ANO6: variants seen among roughly 807,000 people sequenced by gnomAD.
ANO6 encodes the protein anoctamin-6.
Under a neutral mutation model 117.5 loss-of-function variants are expected in ANO6, and 106 were observed. The observed-to-expected ratio is 0.90, with a 90% CI of 0.77 to 1.06. ANO6 has a LOEUF of 1.06. ANO6 is among the 50% of genes least tolerant of loss of function. The probability of loss-of-function intolerance (pLI) is 0.00; values close to 1 mark genes in which losing one functional copy is unlikely to be tolerated. For missense variants in ANO6, 955 were observed against 1,121.1 expected (o/e 0.85, Z 2.12); for synonymous variants, 367 against 385.1 (o/e 0.95, Z 0.55).
rs1210466789 is a variant in ANO6, at chr12:45,388,437, C to G, written c.1308+134C>G. 6 of 1,133,376 alleles carry G rather than the reference C, an allele frequency of 5.3e-6. No homozygotes were observed. In the South Asian group the frequency reaches 7.7e-5, roughly 15 times the overall value. The allele number at this position is 1,133,376 out of a possible 1,614,324, so 70.2% of individuals were successfully genotyped here. On this transcript the variant is annotated intron_variant, in intron 11 of 19. Coordinates refer to ENST00000320560, the MANE Select transcript of ANO6 (RefSeq NM_001025356.3). ...AGTTCCATCACTACATACTCTGGTA[C>G]TTAGTAACCTGGGGGTATTCTGAGC... is the stretch of plus-strand genomic sequence containing the variant.
intron 17 of ANO6, among the ~76,000 whole-genome samples, chr12:45,420,537 C>G (rs1008291096): frequency 3.9e-5 from 6 of 151,938 alleles, no homozygotes; most frequent in African/African-American, 1.4e-4. Context: ...CCAAGGAGTT[C>G]GAGGTTACAG....
rs534253295 is a variant in ANO6 at position 45,367,191 on chromosome 12, A to G, written c.999-497A>G. Among the ~76,000 whole-genome samples, 199 of 152,318 alleles carry G rather than the reference A, an allele frequency of 1.3e-3. 3 individuals are homozygous for G. The highest frequency in any genetic ancestry group is 6.9e-4 in the Non-Finnish European group (47 of 68,034). ...GAGACAGGGTTTTGCCATGTTGGCC[A>G]GGCTGGTCTTGAACTCATGACCTCA... On this transcript the variant is annotated intron_variant, in intron 8 of 19. Transcript: ENST00000320560.
rs1376316432 is a variant in ANO6 at position 45,431,026 on chromosome 12, T to C, written c.*1715T>C. ...GCGTAACTCTAGGTCATGATTGATT[T>C]CAAATGCCTGCCATGAATGATTTGT... On this transcript the variant is annotated 3_prime_UTR_variant, in exon 20 of 20. Transcript: ENST00000320560. 1.0e-6 allele frequency: 1 copy of C among 985,312 alleles called. No individual in the cohort carries two copies. The highest frequency in any genetic ancestry group is 6.1e-5 in the Admixed American group (1 of 16,270). 61.0% of individuals were successfully genotyped at this position (985,312 alleles called of 1,614,324 possible). A position where few individuals can be genotyped will look rare whatever the true frequency, so the allele number is the denominator to read the frequency against.
chr12:45,217,353 G>A (rs1258920345), intron 1 of ANO6, among the ~76,000 whole-genome samples: 4 of 152,122 alleles, frequency 2.6e-5, no homozygotes, highest in Non-Finnish European at 5.9e-5. Context: ...AGAACATCCT[G>A]CTGATGTTCT....
chr12:45,235,806 C>T (rs1160238447), intron 1 of ANO6, among the ~76,000 whole-genome samples: 5 of 152,192 alleles, frequency 3.3e-5, no homozygotes, highest in East Asian at 1.9e-4. Context: ...CTCACACTGA[C>T]GGCATTCCTG....
At chr12:45,272,525 T>A (rs576701574) in intron 1 of ANO6, among the ~76,000 whole-genome samples, 1 of 152,288 alleles carries the variant, frequency 6.6e-6, no homozygotes, top group Non-Finnish European at 1.5e-5. Flanking sequence ...GAATATGGCC[T>A]CTCATGTCAT....
At chr12:45,351,740 G>A (rs1380969411) in intron 7 of ANO6, among the ~76,000 whole-genome samples, 3 of 152,178 alleles carry the variant, frequency 2.0e-5, no homozygotes, top group Non-Finnish European at 4.4e-5. Flanking sequence ...GGAAACATCA[G>A]AGACCAGTGC....
chr12:45,224,679 A>AT (rs1227795424), intron 1 of ANO6, among the ~76,000 whole-genome samples: 1 of 152,220 alleles, frequency 6.6e-6, no homozygotes, highest in Non-Finnish European at 1.5e-5. Flanking sequence ...CTCTAAAAGA[A>AT]TAAGAGTTAC....
Position 45,371,512 on chromosome 12 carries a change from C to A in ANO6, c.1104+3719C>A, listed in dbSNP as rs905433103. Among the ~76,000 whole-genome samples, 90 of 151,310 alleles carry A rather than the reference C, an allele frequency of 5.9e-4. 2 individuals are homozygous for A. In the South Asian group the frequency reaches 0.016, roughly 27 times the overall value. On this transcript the variant is annotated intron_variant, in intron 9 of 19. Coordinates refer to ENST00000320560, the MANE Select transcript of ANO6 (RefSeq NM_001025356.3). ...GTTCTCCCAGCACGCAGCTGGAGATCTGAGAACAGGCAGACTGCCTCCTCA... is the reference window on the plus strand; with the variant it reads ...GTTCTCCCAGCACGCAGCTGGAGATATGAGAACAGGCAGACTGCCTCCTCA...
At chr12:45,316,596 A>G (rs1179559805) in intron 2 of ANO6, among the ~76,000 whole-genome samples, 1 of 152,106 alleles carries the variant, frequency 6.6e-6, no homozygotes, top group Non-Finnish European at 1.5e-5. Context: ...TTGCCACCTA[A>G]TTATGAAACT....
chr12:45,376,132 C>G (rs1942008432), intron 9 of ANO6, among the ~76,000 whole-genome samples: 1 of 151,212 alleles, frequency 6.6e-6, no homozygotes, highest in Non-Finnish European at 1.5e-5. Context: ...CAGAGAAATG[C>G]AAATCAAAAC....
chr12:45,252,796 T>C (rs1233300148), intron 1 of ANO6, among the ~76,000 whole-genome samples: 2 of 152,242 alleles, frequency 1.3e-5, no homozygotes, highest in Admixed American at 1.3e-4. Flanking sequence ...GTTTTGTATA[T>C]AATGGTTTTG....
chr12:45,292,756 T>C (rs1939143841), intron 1 of ANO6: 1 of 1,420,488 alleles, frequency 7.0e-7, no homozygotes, highest in Admixed American at 2.7e-5. Flanking sequence ...AACATGGAAA[T>C]GTTACAAGGT....
At chr12:45,279,680 C>CT (rs750607350) in intron 1 of ANO6, among the ~76,000 whole-genome samples, 46 of 152,228 alleles carry the variant, frequency 3.0e-4, no homozygotes, top group Non-Finnish European at 5.6e-4. Context: ...GCTACAAACT[C>CT]TTTAATCCTG....
At chr12:45,292,211 C>T (rs560681237) in intron 1 of ANO6, among the ~76,000 whole-genome samples, 1 of 151,870 alleles carries the variant, frequency 6.6e-6, no homozygotes, top group Non-Finnish European at 1.5e-5. Flanking sequence ...AAGCCAGAAA[C>T]AAAAGGACAA....
intron 1 of ANO6, among the ~76,000 whole-genome samples, chr12:45,237,253 G>A (rs745399165): frequency 6.6e-6 from 1 of 152,092 alleles, no homozygotes; most frequent in East Asian, 1.9e-4. Context: ...GTCTATTTTG[G>A]CTTATGTTGC....
chr12:45,318,632 T>G (rs558120058), intron 2 of ANO6, among the ~76,000 whole-genome samples: 31 of 152,268 alleles, frequency 2.0e-4, no homozygotes, highest in African/African-American at 7.2e-4. Context: ...CATATGAACT[T>G]TAAAGTAGTT....
rs74080843 is a variant in ANO6 at position 45,367,669 on chromosome 12, T to C, written c.999-19T>C. 1.2e-3 allele frequency: 1,865 copies of C among 1,602,412 alleles called. 25 individuals carry two copies. The African/African-American group carries it at 0.022, about 19-fold the overall frequency. Reference sequence around the variant, plus strand: ...TGCTTTAAATTTTTTAAAATTAAGTTTTATTTCTCTCTTTTTAGCAAAGAA... The same window carrying C: ...TGCTTTAAATTTTTTAAAATTAAGTCTTATTTCTCTCTTTTTAGCAAAGAA... On this transcript the variant is annotated intron_variant, in intron 8 of 19. Coordinates refer to ENST00000320560, the MANE Select transcript of ANO6 (RefSeq NM_001025356.3).
In ANO6 at chr12:45,257,951, A is replaced by G. The variant is rs565383417; in HGVS notation, c.70+41560A>G. 3.3e-5 allele frequency among the ~76,000 whole-genome samples: 5 copies of G among 152,282 alleles called. No homozygotes were observed. The East Asian group carries it at 7.7e-4, about 23-fold the overall frequency. On this transcript the variant is annotated intron_variant, in intron 1 of 19. Transcript: ENST00000320560. ...TGGTTTTTTTTCCAGGTTTATTTTT[A>G]GGTTTATCACAATGCTTATCAAATT... is the stretch of plus-strand genomic sequence containing the variant.
Sources: gnomAD v4.1 joint callset for allele counts (sites outside exome capture counted in the v4.1 genomes callset) on GRCh38, gnomAD v4.1.1 for gene constraint, MANE v1.5 for transcripts, NCBI Gene and HGNC (gene_info 2026-07-23, HGNC 2026-07-21) for gene names.